Variants in TBC1D23 observed in about 807,000 individuals in gnomAD.
TBC1D23 encodes HCV non-structural protein 4A-transactivated protein 1.
A neutral mutation model predicts 91.4 loss-of-function variants in TBC1D23; 55 were observed. The ratio of observed to expected loss-of-function variants is 0.60; its 90% CI spans 0.48 to 0.75. The LOEUF (loss-of-function observed/expected upper bound fraction) is 0.75. Among genes scored for constraint, TBC1D23 ranks in the 30% least tolerant of loss-of-function variants. The probability of loss-of-function intolerance (pLI) is 0.00; values close to 1 mark genes in which losing one functional copy is unlikely to be tolerated. For synonymous variants in TBC1D23, 289 were observed against 281.0 expected, an observed-to-expected ratio of 1.03 and a Z score of -0.28; for missense variants, 725 against 836.1, an observed-to-expected ratio of 0.87 and a Z score of 1.64.
intron 3 of TBC1D23, 123 bp from the exon 4 acceptor site, chr3:100,283,484 A>G (rs2067712286): frequency 1.6e-6 from 1 of 625,548 alleles, no homozygotes; most frequent in Non-Finnish European, 2.8e-6. Context: ...ACTTTCATGT[A>G]GTTTCACTTT....
intron 13 of TBC1D23, among the ~76,000 whole-genome samples, chr3:100,309,763 A>T (rs573425274): frequency 8.6e-5 from 13 of 151,926 alleles, no homozygotes; most frequent in Non-Finnish European, 1.9e-4. Context: ...AGCACCCATC[A>T]CCACGCCCGG....
intron 1 of TBC1D23, among the ~76,000 whole-genome samples, chr3:100,274,791 GTAATTAACTTAT>G (rs1227489650): frequency 1.4e-5 from 2 of 147,006 alleles, no homozygotes; most frequent in East Asian, 3.9e-4. Context: ...TCTATAATAT[GTAATTAACTTAT>G]TAATTACATA....
chr3:100,285,070 G>A (rs2067728465), intron 4 of TBC1D23, among the ~76,000 whole-genome samples: 1 of 152,094 alleles, frequency 6.6e-6, no homozygotes, highest in African/African-American at 2.4e-5. Context: ...TCTCTACCCT[G>A]GTTGCTTGTT....
Position 100,319,121 on chromosome 3 carries a change from C to T in TBC1D23, c.1740C>T (p.Asn580=). 1.9e-6 allele frequency: 3 copies of T among 1,600,512 alleles called. No homozygotes were observed. Among genetic ancestry groups the T allele is most frequent in the Non-Finnish European group, 1.7e-6 (2 of 1,170,068 alleles). Residue 580 remains asparagine (N), a synonymous_variant, in exon 17 of 19, where the codon AAC becomes AAT. Coordinates refer to ENST00000394144, the MANE Select transcript of TBC1D23 (RefSeq NM_001199198.3). ...MSDDDRKEVV[N]IQTWINKPDV... ...ATGATGATAGAAAAGAGGTTGTAAA[C>T]ATTCAGACTTGGATAAACAAACCAG...
intron 1 of TBC1D23, among the ~76,000 whole-genome samples, chr3:100,267,770 C>A (rs952389602): frequency 1.3e-5 from 2 of 152,090 alleles, no homozygotes; most frequent in Non-Finnish European, 2.9e-5. Flanking sequence ...GGATGCTCCA[C>A]CTATATAAGA....
intron 1 of TBC1D23, among the ~76,000 whole-genome samples, chr3:100,264,927 G>A (rs1197948210): frequency 6.6e-6 from 1 of 152,194 alleles, no homozygotes. Context: ...ATATTTTGAG[G>A]TGGAACTTGA....
intron 5 of TBC1D23, among the ~76,000 whole-genome samples, chr3:100,293,926 A>G (rs1444628629): frequency 1.3e-5 from 2 of 152,218 alleles, no homozygotes; most frequent in Non-Finnish European, 2.9e-5. Context: ...ATACGTGATA[A>G]TAGTTTAGTA....
Position 100,323,709 on chromosome 3 carries a change from G to C in TBC1D23, c.*41G>C, listed in dbSNP as rs1705905406. ...TATAAAAAGAAATTAAGACAACCAA[G>C]AGAAACATGGACATATACCTCCTGA... On this transcript the variant is annotated 3_prime_UTR_variant, in exon 19 of 19. Coordinates refer to ENST00000394144, the MANE Select transcript of TBC1D23 (RefSeq NM_001199198.3). 9.2e-7 allele frequency: 1 copy of C among 1,084,020 alleles called. No homozygotes were observed. The highest frequency in any genetic ancestry group is 3.0e-5 in the East Asian group (1 of 32,826). The allele number at this position is 1,084,020 out of a possible 1,614,324, so 67.2% of individuals were successfully genotyped here.
chr3:100,319,958 T>C (rs2148873897), intron 17 of TBC1D23, among the ~76,000 whole-genome samples: 1 of 152,240 alleles, frequency 6.6e-6, no homozygotes, highest in Non-Finnish European at 1.5e-5. Flanking sequence ...TAAATTAACA[T>C]CATTTAACAT....
At chr3:100,276,422 T>C (rs539625706) in intron 1 of TBC1D23, among the ~76,000 whole-genome samples, 21 of 152,134 alleles carry the variant, frequency 1.4e-4, no homozygotes, top group Non-Finnish European at 2.8e-4. Context: ...TTCAGAAAAT[T>C]ACAAAATTTC....
chr3:100,261,881 T>C (rs1345369200), intron 1 of TBC1D23, among the ~76,000 whole-genome samples: 4 of 152,222 alleles, frequency 2.6e-5, no homozygotes, highest in Admixed American at 2.6e-4. Flanking sequence ...AAGGGACCTT[T>C]AGAGGCTTGT....
chr3:100,269,680 A>C (rs2067585494), intron 1 of TBC1D23, among the ~76,000 whole-genome samples: 1 of 152,232 alleles, frequency 6.6e-6, no homozygotes, highest in Non-Finnish European at 1.5e-5. Flanking sequence ...TGTCATACAG[A>C]ATATTCAAGA....
At chr3:100,310,260 A>G (rs1705603002) in intron 13 of TBC1D23, 143 bp from the exon 14 acceptor site, 1 of 727,506 alleles carries the variant, frequency 1.4e-6, no homozygotes, top group Non-Finnish European at 2.3e-6. Context: ...ATACAGTCAC[A>G]TTCTGAGATA....
chr3:100,302,743 G>A (rs1048166865), intron 11 of TBC1D23, among the ~76,000 whole-genome samples: 2 of 152,004 alleles, frequency 1.3e-5, no homozygotes, highest in African/African-American at 4.8e-5. Context: ...ACGCCACCAC[G>A]CTTGACTAGT....
intron 2 of TBC1D23, 93 bp from the exon 3 acceptor site, chr3:100,281,649 A>C (rs1458011668): frequency 1.3e-6 from 1 of 747,490 alleles, no homozygotes; most frequent in Non-Finnish European, 2.3e-6. Flanking sequence ...CTTTGTTATT[A>C]TTTTTAAATT....
intron 2 of TBC1D23, among the ~76,000 whole-genome samples, chr3:100,281,238 G>A (rs946995326): frequency 6.6e-6 from 1 of 151,958 alleles, no homozygotes; most frequent in Non-Finnish European, 1.5e-5. Context: ...TGTTTTTATG[G>A]GTGATTTGTT....
intron 10 of TBC1D23, among the ~76,000 whole-genome samples, chr3:100,301,293 G>T: frequency 1.6e-5 from 2 of 125,876 alleles, no homozygotes; most frequent in South Asian, 2.6e-4. Flanking sequence ...AAAAAAAAAT[G>T]GTGGAACCTT....
chr3:100,266,873 A>G (rs567017100), intron 1 of TBC1D23, among the ~76,000 whole-genome samples: 2 of 152,344 alleles, frequency 1.3e-5, no homozygotes, highest in South Asian at 4.1e-4. Flanking sequence ...CAGTGCTGAA[A>G]TGTGGATTCT....
At chr3:100,291,937 G>C (rs959540954) in intron 5 of TBC1D23, among the ~76,000 whole-genome samples, 2 of 151,652 alleles carry the variant, frequency 1.3e-5, no homozygotes, top group Non-Finnish European at 2.9e-5. Flanking sequence ...GGCTAATTTT[G>C]TAATTTTAGT....
Sources: gnomAD v4.1 joint callset for allele counts (sites outside exome capture counted in the v4.1 genomes callset) on GRCh38, gnomAD v4.1.1 for gene constraint, MANE v1.5 for transcripts, NCBI Gene and HGNC (gene_info 2026-07-23, HGNC 2026-07-21) for gene names.